NRROS: variants seen among roughly 807,000 people sequenced by gnomAD.
The protein encoded by NRROS is transforming growth factor beta activator LRRC33.
In NRROS, 6 loss-of-function variants were observed where a neutral mutation model predicts 12.0. That is an observed-to-expected ratio of 0.50 (90% CI 0.27 to 0.98). NRROS has a LOEUF of 0.98. Ranked by LOEUF, NRROS falls within the 50% of genes least tolerant of loss-of-function variation. The pLI is 0.11. For synonymous variants in NRROS, 462 were observed against 410.2 expected, an observed-to-expected ratio of 1.13 and a Z score of -1.53; for missense variants, 857 against 888.2, an observed-to-expected ratio of 0.96 and a Z score of 0.45.
At chr3:196,641,647 C>T (rs1737211926) in intron 1 of NRROS, among the ~76,000 whole-genome samples, 1 of 152,206 alleles carries the variant, frequency 6.6e-6, no homozygotes, top group Non-Finnish European at 1.5e-5. Flanking sequence ...AGAGCAGACG[C>T]CTAGTATCTT....
chr3:196,658,012 G>C (rs761830012), intron 2 of NRROS, among the ~76,000 whole-genome samples: 1 of 152,170 alleles, frequency 6.6e-6, no homozygotes, highest in African/African-American at 2.4e-5. Flanking sequence ...TTACAGGCAG[G>C]GTAATGGAGG....
At chr3:196,643,547 G>A (rs551778102) in intron 1 of NRROS, among the ~76,000 whole-genome samples, 4 of 135,566 alleles carry the variant, frequency 3.0e-5, no homozygotes, top group South Asian at 2.7e-4. Context: ...GAGAAGGACC[G>A]GGAGGGGATT....
At position 196,654,355 on chromosome 3, in the gene NRROS, G is replaced by A. The variant is rs541660844; in HGVS notation, c.-13-172G>A. On this transcript the variant is annotated intron_variant, in intron 1 of 2. Transcript: ENST00000328557. The surrounding 1 kb of genome is among the most constrained non-coding windows in gnomAD (Gnocchi z 4.4). ...TTGTCAACAGTTTCAGTGAAAGGCC[G>A]GAAGTCTTGGCTAAATGGAGGTATC... 3.3e-5 allele frequency among the ~76,000 whole-genome samples: 5 copies of A among 152,290 alleles called. No individual in the cohort carries two copies. The highest frequency in any genetic ancestry group is 4.1e-4 in the South Asian group (2 of 4,830).
Position 196,654,825 on chromosome 3 carries a change from T to G in NRROS, c.108+178T>G. The G allele has an allele frequency of 1.7e-6, 1 of 573,546 alleles. No individual in the cohort carries two copies. The highest frequency in any genetic ancestry group is 2.2e-5 in the South Asian group (1 of 46,202). The allele number at this position is 573,546 out of a possible 1,614,324, so 35.5% of individuals were successfully genotyped here. A position where few individuals can be genotyped will look rare whatever the true frequency, so the allele number is the denominator to read the frequency against. On this transcript the variant is annotated intron_variant, in intron 2 of 2. Transcript: ENST00000328557. The surrounding 1 kb of genome is among the most constrained non-coding windows in gnomAD (Gnocchi z 4.4). The stretch of plus-strand genomic sequence containing the variant: ...GCCCTTTAACCACAGGATTTTAAGA[T>G]GCTTCCTGGGAAGAGCCAGGCAGTC...
intron 2 of NRROS, among the ~76,000 whole-genome samples, chr3:196,656,119 A>G (rs1737533578): frequency 6.6e-6 from 1 of 152,208 alleles, no homozygotes; most frequent in Admixed American, 6.5e-5. Context: ...GTGAGCTGAC[A>G]TCGTGCCACT....
intron 1 of NRROS, among the ~76,000 whole-genome samples, chr3:196,644,750 C>A (rs540081875): frequency 2.4e-5 from 3 of 127,022 alleles, no homozygotes; most frequent in African/African-American, 9.6e-5. Context: ...TCCAGTCTGG[C>A]GACAGAGTGA....
intron 1 of NRROS, among the ~76,000 whole-genome samples, 185 bp downstream of exon 1, chr3:196,640,060 G>T (rs1219070349): frequency 6.6e-6 from 1 of 152,246 alleles, no homozygotes; most frequent in Non-Finnish European, 1.5e-5. Context: ...GGGGGCTGCA[G>T]CTCTGGGTGG....
At chr3:196,659,129 C>T (rs1737605464) in intron 2 of NRROS, among the ~76,000 whole-genome samples, 1 of 152,118 alleles carries the variant, frequency 6.6e-6, no homozygotes, top group Non-Finnish European at 1.5e-5. Context: ...GTCCCTCCCG[C>T]CTCCTTATTC....
intron 1 of NRROS, among the ~76,000 whole-genome samples, chr3:196,641,071 G>A (rs947059006): frequency 1.1e-4 from 17 of 152,052 alleles, no homozygotes; most frequent in Admixed American, 9.2e-4. Flanking sequence ...GTGTGTGCCC[G>A]AGAGTCCCTA....
At chr3:196,653,624 G>T (rs1175896855) in intron 1 of NRROS, among the ~76,000 whole-genome samples, 8 of 152,372 alleles carry the variant, frequency 5.3e-5, no homozygotes, top group Admixed American at 3.3e-4. Context: ...CAGCCTCGCT[G>T]CTGGGAGAAA....
Position 196,660,584 on chromosome 3 carries a change from C to T in NRROS, c.941C>T (p.Thr314Ile). Residue 314 changes from threonine (T) to isoleucine (I), a missense_variant, in exon 3 of 3, where the codon ACC (threonine) becomes ATC (isoleucine). Thr to Ile is a moderately conservative substitution (Grantham distance 89). Coordinates refer to ENST00000328557, the MANE Select transcript of NRROS (RefSeq NM_198565.3). This position sits in a 1 kb window ranked among gnomAD's most constrained non-coding sequence, Gnocchi z 7.7. Reference sequence around the variant, plus strand: ...GTGGACGGCAACGTGACCAACATCACCACCGTCAGCCTCTGGGAAGAATTC... The same window carrying T: ...GTGGACGGCAACGTGACCAACATCATCACCGTCAGCCTCTGGGAAGAATTC... Reference protein sequence around the residue: ...LLVDGNVTNITTVSLWEEFSS... With the variant: ...LLVDGNVTNIITVSLWEEFSS... The T allele has an allele frequency of 6.2e-7, 1 of 1,614,168 alleles. No homozygotes were observed. The highest frequency in any genetic ancestry group is 8.5e-7 in the Non-Finnish European group (1 of 1,180,022).
At chr3:196,647,850 C>T (rs144281087) in intron 1 of NRROS, among the ~76,000 whole-genome samples, 7,068 of 151,992 alleles carry the variant, frequency 0.047, 232 homozygotes, top group East Asian at 0.12. Flanking sequence ...TGAGCCACTG[C>T]GCCCAGCCAC....
chr3:196,660,312 C>A lies in NRROS; in HGVS notation c.669C>A (p.Phe223Leu). Residue 223 changes from phenylalanine to leucine, a missense_variant, in exon 3 of 3, where the codon TTC becomes TTA. Coordinates refer to ENST00000328557, the MANE Select transcript of NRROS (RefSeq NM_198565.3). The surrounding 1 kb of genome is among the most constrained non-coding windows in gnomAD (Gnocchi z 7.7). ...AFNNLPCIVD[F>L]GLTRLRVLNV... ...ACAACCTCCCCTGCATCGTGGACTTCGGGCTCACGCGGCTGCGGGTCCTCA... is the reference window on the plus strand; with the variant it reads ...ACAACCTCCCCTGCATCGTGGACTTAGGGCTCACGCGGCTGCGGGTCCTCA... 1 of 1,613,986 alleles carries A rather than the reference C, an allele frequency of 6.2e-7. No individual in the cohort carries two copies. The highest frequency in any genetic ancestry group is 2.2e-5 in the East Asian group (1 of 44,882).
chr3:196,654,453 C>T lies in NRROS; in HGVS notation c.-13-74C>T. Reference sequence around the variant, plus strand: ...GACCACATAGAATTGGAACTGGCTCCTTCTGCCGATAATACAAACAGCCCT... The same window carrying T: ...GACCACATAGAATTGGAACTGGCTCTTTCTGCCGATAATACAAACAGCCCT... On this transcript the variant is annotated intron_variant, in intron 1 of 2. Transcript: ENST00000328557. The surrounding 1 kb of genome is among the most constrained non-coding windows in gnomAD (Gnocchi z 4.4). 1 of 889,248 alleles carries T rather than the reference C, an allele frequency of 1.1e-6. No individual in the cohort carries two copies. The highest frequency in any genetic ancestry group is 1.3e-5 in the South Asian group (1 of 75,908). The allele number at this position is 889,248 out of a possible 1,614,324, so 55.1% of individuals were successfully genotyped here.
intron 2 of NRROS, among the ~76,000 whole-genome samples, chr3:196,655,559 A>C (rs1412257269): frequency 1.3e-5 from 2 of 152,098 alleles, no homozygotes; most frequent in East Asian, 3.9e-4. Flanking sequence ...AAAACAAAAC[A>C]AAAAACTGGA....
Position 196,661,659 on chromosome 3 carries a change from C to T in NRROS, c.2016C>T (p.Leu672=). 1.2e-6 allele frequency: 2 copies of T among 1,607,580 alleles called. No individual in the cohort carries two copies. Among genetic ancestry groups the T allele is most frequent in the South Asian group, 1.1e-5 (1 of 91,084 alleles). Residue 672 remains leucine, a synonymous_variant, in exon 3 of 3, where the codon CTC becomes CTT. Coordinates refer to ENST00000328557, the MANE Select transcript of NRROS (RefSeq NM_198565.3). Reference sequence around the variant, plus strand: ...TGGTGGCCTGCACTGTCATCGTCCTCACTTTTAAGAAGCCTCTGCTTCAGG... The same window carrying T: ...TGGTGGCCTGCACTGTCATCGTCCTTACTTTTAAGAAGCCTCTGCTTCAGG... ...TLLVACTVIV[L]TFKKPLLQVI... is the part of the protein sequence containing the mutation.
At position 196,661,918 on chromosome 3, in the gene NRROS, C is replaced by T; in HGVS notation, c.*196C>T. The T allele has an allele frequency of 2.5e-6, 1 of 400,662 alleles. No homozygotes were observed. Among genetic ancestry groups the T allele is most frequent in the Admixed American group, 5.2e-5 (1 of 19,236 alleles). 24.8% of individuals were successfully genotyped at this position (400,662 alleles called of 1,614,324 possible). A position where few individuals can be genotyped will look rare whatever the true frequency, so the allele number is the denominator to read the frequency against. On this transcript the variant is annotated 3_prime_UTR_variant, in exon 3 of 3. Coordinates refer to ENST00000328557, the MANE Select transcript of NRROS (RefSeq NM_198565.3). ...AAGTTCTTTTTCCATCATTATAATTCATCCTCATTATCTTGGTAAAATATT... is the reference window on the plus strand; with the variant it reads ...AAGTTCTTTTTCCATCATTATAATTTATCCTCATTATCTTGGTAAAATATT...
chr3:196,660,878 A>G lies in NRROS; in HGVS notation c.1235A>G (p.Asn412Ser). The G allele has an allele frequency of 2.5e-6, 4 of 1,614,092 alleles. No individual in the cohort carries two copies. The highest frequency in any genetic ancestry group is 1.1e-5 in the South Asian group (1 of 91,088). Residue 412 changes from asparagine to serine, a missense_variant, in exon 3 of 3, where the codon AAC becomes AGC. Asn to Ser is a conservative substitution (Grantham distance 46). Coordinates refer to ENST00000328557, the MANE Select transcript of NRROS (RefSeq NM_198565.3). The surrounding 1 kb of genome is among the most constrained non-coding windows in gnomAD (Gnocchi z 7.7). Reference protein sequence around the residue: ...GSLRLFNLSSNQLLGVPPGLF... With the variant: ...GSLRLFNLSSSQLLGVPPGLF... ...CTGCGCTTGTTCAACCTGAGCTCCA[A>G]CCAGCTCCTGGGCGTCCCCCCTGGC...
At chr3:196,642,889 G>A (rs1452752172) in intron 1 of NRROS, among the ~76,000 whole-genome samples, 1 of 152,008 alleles carries the variant, frequency 6.6e-6, no homozygotes, top group Non-Finnish European at 1.5e-5. Flanking sequence ...GGCCAAAATG[G>A]TGAAACCCCG....
Sources: gnomAD v4.1 joint callset for allele counts (sites outside exome capture counted in the v4.1 genomes callset) on GRCh38, gnomAD v4.1.1 for gene constraint, Gnocchi (gnomAD v3.1) non-coding constraint, MANE v1.5 for transcripts, NCBI Gene and HGNC (gene_info 2026-07-23, HGNC 2026-07-21) for gene names.